RIT2: variants seen among roughly 807,000 people sequenced by gnomAD.
RIT2 encodes GTP-binding protein Rit2.
Under a neutral mutation model 23.7 loss-of-function variants are expected in RIT2, and 24 were observed. The ratio of observed to expected loss-of-function variants is 1.01; its 90% CI spans 0.73 to 1.43. The LOEUF (loss-of-function observed/expected upper bound fraction) is 1.43. RIT2 is among the 40% of genes most tolerant of loss of function. The pLI is 0.00. For missense variants in RIT2, 236 were observed against 266.9 expected, an observed-to-expected ratio of 0.88 and a Z score of 0.81; for synonymous variants, 107 against 91.1, an observed-to-expected ratio of 1.17 and a Z score of -0.99.
At chr18:42,837,153 CTTTTTTTTTTTTTT>C (rs570701535) in intron 4 of RIT2, among the ~76,000 whole-genome samples, 169 of 51,688 alleles carry the variant, frequency 3.3e-3, no homozygotes, top group African/African-American at 0.01. Flanking sequence ...TTTTCTTTTT[CTTTTTTTTTTTTTT>C]TTTTTTTTTT....
chr18:43,105,761 C>T (rs1280338505), intron 1 of RIT2, among the ~76,000 whole-genome samples: 1 of 152,054 alleles, frequency 6.6e-6, no homozygotes, highest in Admixed American at 6.6e-5. Context: ...TTGTGCCAGG[C>T]TATGTAATTA....
chr18:42,826,738 T>C (rs1190057906), intron 4 of RIT2, among the ~76,000 whole-genome samples: 1 of 152,124 alleles, frequency 6.6e-6, no homozygotes, highest in African/African-American at 2.4e-5. Context: ...TTCAGAAATA[T>C]AATGTAAGAA....
chr18:42,958,865 G>T (rs956147000), intron 3 of RIT2, among the ~76,000 whole-genome samples: 2 of 152,086 alleles, frequency 1.3e-5, no homozygotes, highest in African/African-American at 4.8e-5. Flanking sequence ...ATTCCAGGGT[G>T]AACATTTAAA....
chr18:42,955,284 G>T (rs1049625219), intron 3 of RIT2, among the ~76,000 whole-genome samples: 1 of 152,162 alleles, frequency 6.6e-6, no homozygotes, highest in African/African-American at 2.4e-5. Flanking sequence ...ACACCAGAGA[G>T]TCCAAGGATT....
intron 4 of RIT2, among the ~76,000 whole-genome samples, chr18:42,916,362 C>G (rs1414066371): frequency 6.6e-6 from 1 of 152,100 alleles, no homozygotes; most frequent in Non-Finnish European, 1.5e-5. Context: ...CCAGATTACT[C>G]ACCTTTACTT....
intron 4 of RIT2, among the ~76,000 whole-genome samples, chr18:42,903,599 G>A (rs1290994695): frequency 6.6e-6 from 1 of 152,014 alleles, no homozygotes; most frequent in Non-Finnish European, 1.5e-5. Context: ...ATTGCCGCTA[G>A]AATAGAAAAT....
intron 2 of RIT2, among the ~76,000 whole-genome samples, chr18:43,033,527 G>A (rs1911905502): frequency 6.6e-6 from 1 of 152,032 alleles, no homozygotes; most frequent in Non-Finnish European, 1.5e-5. Context: ...CTCAAATGCA[G>A]ATAGATATCC....
intron 1 of RIT2, among the ~76,000 whole-genome samples, chr18:43,054,525 G>C (rs1912455033): frequency 6.6e-6 from 1 of 152,024 alleles, no homozygotes; most frequent in Admixed American, 6.6e-5. Flanking sequence ...ATTCAGTAAT[G>C]ACTATGGAGG....
At chr18:42,941,585 T>G (rs545886885) in intron 3 of RIT2, among the ~76,000 whole-genome samples, 1 of 152,244 alleles carries the variant, frequency 6.6e-6, no homozygotes, top group African/African-American at 2.4e-5. Flanking sequence ...AAAGTGATAA[T>G]AATCCCTACT....
At chr18:42,992,812 G>C (rs893067344) in intron 2 of RIT2, among the ~76,000 whole-genome samples, 4 of 152,166 alleles carry the variant, frequency 2.6e-5, no homozygotes, top group African/African-American at 4.8e-5. Flanking sequence ...ACCCAGCCCA[G>C]TTCATGGCTC....
At chr18:42,929,059 T>TATATATATA (rs1307173363) in intron 3 of RIT2, among the ~76,000 whole-genome samples, 160 of 50,160 alleles carry the variant, frequency 3.2e-3, no homozygotes, top group African/African-American at 5.9e-3. Flanking sequence ...ATATATATAT[T>TATATATATA]TATATGAGAC....
intron 4 of RIT2, among the ~76,000 whole-genome samples, chr18:42,823,200 G>T (rs1331064317): frequency 6.6e-6 from 1 of 152,106 alleles, no homozygotes; most frequent in Non-Finnish European, 1.5e-5. Context: ...TTCTCTGAGT[G>T]CTCCCTCAGC....
At chr18:42,810,873 T>C (rs990778335) in intron 4 of RIT2, among the ~76,000 whole-genome samples, 42 of 152,074 alleles carry the variant, frequency 2.8e-4, no homozygotes, top group African/African-American at 1.0e-3. Context: ...ACTGCCTTTC[T>C]AGTTTCAGCC....
intron 2 of RIT2, among the ~76,000 whole-genome samples, chr18:42,979,998 G>A (rs1383287578): frequency 2.0e-5 from 3 of 152,106 alleles, no homozygotes; most frequent in Non-Finnish European, 2.9e-5. Context: ...AACAGAGTTA[G>A]GAAGGAGGAA....
intron 1 of RIT2, among the ~76,000 whole-genome samples, chr18:43,103,062 C>A (rs1020185747): frequency 6.6e-6 from 1 of 152,112 alleles, no homozygotes; most frequent in African/African-American, 2.4e-5. Context: ...ACTGTGTGGG[C>A]TTATTGGCCT....
At chr18:43,011,591 C>G (rs1305617068) in intron 2 of RIT2, among the ~76,000 whole-genome samples, 1 of 151,660 alleles carries the variant, frequency 6.6e-6, no homozygotes, top group African/African-American at 2.4e-5. Context: ...AGAAAATCAA[C>G]CAAATAGAAG....
chr18:42,875,092 C>T lies in RIT2; in HGVS notation c.426+48480G>A, dbSNP rs143467417. Among the ~76,000 whole-genome samples, 6 of 152,166 alleles carry T rather than the reference C, an allele frequency of 3.9e-5. No individual in the cohort carries two copies. In the East Asian group the frequency reaches 5.8e-4, roughly 15 times the overall value. ...TTCTACATATTGCTTTCCTGTCTCT[C>T]GGCTCTCCCTACTACTAGAGTGTCT... On this transcript the variant is annotated intron_variant, in intron 4 of 4. Transcript: ENST00000326695.
intron 4 of RIT2, among the ~76,000 whole-genome samples, chr18:42,782,426 G>T (rs1052141483): frequency 4.6e-5 from 7 of 152,036 alleles, no homozygotes; most frequent in Non-Finnish European, 8.8e-5. Context: ...ATCTTATAAG[G>T]TATTTATAAT....
intron 4 of RIT2, among the ~76,000 whole-genome samples, chr18:42,781,568 C>T (rs7235419): frequency 0.25 from 38,029 of 151,978 alleles, 5,395 homozygotes; most frequent in East Asian, 0.44. Flanking sequence ...ACATCTGTCA[C>T]CATATTCCTC....
Sources: gnomAD v4.1 joint callset for allele counts (sites outside exome capture counted in the v4.1 genomes callset) on GRCh38, gnomAD v4.1.1 for gene constraint, MANE v1.5 for transcripts, NCBI Gene and HGNC (gene_info 2026-07-23, HGNC 2026-07-21) for gene names.